SOX6: variants seen among roughly 807,000 people sequenced by gnomAD.
The protein encoded by SOX6 is SRY-box transcription factor 6.
A neutral mutation model predicts 97.8 loss-of-function variants in SOX6; 11 were observed. That is an observed-to-expected ratio of 0.11 (90% confidence interval 0.07 to 0.19). The LOEUF (loss-of-function observed/expected upper bound fraction) is 0.19, where lower values mean the gene tolerates loss of function less well. SOX6 is among the 10% of genes least tolerant of loss of function. The pLI is 1.00. For synonymous variants in SOX6, 360 were observed against 371.4 expected, an observed-to-expected ratio of 0.97 and a Z score of 0.35; for missense variants, 810 against 1,039.5, an observed-to-expected ratio of 0.78 and a Z score of 3.04.
At chr11:16,443,365 G>A (rs1859546278) in intron 1 of SOX6, among the ~76,000 whole-genome samples, 1 of 151,916 alleles carries the variant, frequency 6.6e-6, no homozygotes, top group African/African-American at 2.4e-5. Flanking sequence ...AACATTTCAG[G>A]CTCTCCATAA....
At chr11:16,194,744 T>C (rs1274575478) in intron 4 of SOX6, among the ~76,000 whole-genome samples, 2 of 152,324 alleles carry the variant, frequency 1.3e-5, no homozygotes, top group Non-Finnish European at 2.9e-5. Flanking sequence ...TGAGGTCTAT[T>C]CATGTCGCAA....
intron 3 of SOX6, among the ~76,000 whole-genome samples, chr11:16,307,923 T>C (rs1265295224): frequency 6.6e-6 from 1 of 152,232 alleles, no homozygotes; most frequent in Non-Finnish European, 1.5e-5. Context: ...CTCCCAATGC[T>C]AGCGGATGGC....
chr11:16,722,215 A>G (rs2134054648), intron 2 of SOX6, among the ~76,000 whole-genome samples: 1 of 152,342 alleles, frequency 6.6e-6, no homozygotes, highest in East Asian at 1.9e-4. Flanking sequence ...AAAAAACTAT[A>G]TCAATAGAAT....
intron 1 of SOX6, among the ~76,000 whole-genome samples, chr11:16,373,403 T>C (rs1035611526): frequency 3.9e-5 from 6 of 152,102 alleles, no homozygotes; most frequent in Admixed American, 3.3e-4. Flanking sequence ...ACCTCACTCT[T>C]CCTTTCACAC....
chr11:16,658,625 G>A (rs538070966), intron 3 of SOX6, among the ~76,000 whole-genome samples: 6 of 151,746 alleles, frequency 4.0e-5, no homozygotes, highest in Non-Finnish European at 7.4e-5. Flanking sequence ...AGAGAATGGC[G>A]TGAACCCGGG....
intron 2 of SOX6, among the ~76,000 whole-genome samples, chr11:16,721,502 CT>C (rs1848261622): frequency 1.3e-4 from 1 of 7,738 alleles, no homozygotes; most frequent in Non-Finnish European, 2.6e-4. Context: ...TCTTTTCTGT[CT>C]CTCTCTCTCT....
chr11:16,671,213 A>C (rs1847845536), intron 3 of SOX6, among the ~76,000 whole-genome samples: 1 of 152,256 alleles, frequency 6.6e-6, no homozygotes, highest in Non-Finnish European at 1.5e-5. Context: ...CAAGACAATA[A>C]TTCTGGTAAC....
intron 1 of SOX6, among the ~76,000 whole-genome samples, chr11:16,441,747 T>C (rs1431015461): frequency 6.6e-6 from 1 of 152,098 alleles, no homozygotes; most frequent in Non-Finnish European, 1.5e-5. Context: ...CTTACATAAC[T>C]TTTTCCTCCT....
chr11:16,573,534 G>A (rs560236651), intron 4 of SOX6, among the ~76,000 whole-genome samples: 2 of 152,086 alleles, frequency 1.3e-5, no homozygotes, highest in African/African-American at 4.8e-5. Flanking sequence ...TATTTGAGTT[G>A]GAAATTACTA....
chr11:16,614,840 T>G (rs1233489661), intron 3 of SOX6, among the ~76,000 whole-genome samples: 1 of 152,210 alleles, frequency 6.6e-6, no homozygotes, highest in Non-Finnish European at 1.5e-5. Flanking sequence ...TTCTATTTAT[T>G]TCAAGAAAAT....
intron 12 of SOX6, among the ~76,000 whole-genome samples, chr11:16,028,450 A>C (rs775735353): frequency 6.6e-6 from 1 of 152,194 alleles, no homozygotes; most frequent in Non-Finnish European, 1.5e-5. Flanking sequence ...TTTTGCACCC[A>C]GTTCCATGTT....
chr11:16,390,835 T>C (rs1384698733), intron 1 of SOX6, among the ~76,000 whole-genome samples: 1 of 152,148 alleles, frequency 6.6e-6, no homozygotes, highest in Non-Finnish European at 1.5e-5. Flanking sequence ...AGCAATCCCA[T>C]TACTGGGCAT....
chr11:16,114,773 T>G (rs1347401728), intron 6 of SOX6, among the ~76,000 whole-genome samples: 1 of 152,152 alleles, frequency 6.6e-6, no homozygotes, highest in Non-Finnish European at 1.5e-5. Context: ...TTTGGGGCTC[T>G]TTGGTGTTAT....
chr11:16,571,262 G>A (rs1291455509), intron 4 of SOX6, among the ~76,000 whole-genome samples: 1 of 152,184 alleles, frequency 6.6e-6, no homozygotes, highest in African/African-American at 2.4e-5. Context: ...CAAGTGGCAA[G>A]AGGAATACAG....
chr11:16,698,977 T>G (rs1174007079), intron 3 of SOX6, among the ~76,000 whole-genome samples: 2 of 152,206 alleles, frequency 1.3e-5, no homozygotes, highest in Non-Finnish European at 2.9e-5. Flanking sequence ...CACACAGATA[T>G]GAAGTGAGCA....
At chr11:16,504,681 C>A (rs748343792) in intron 4 of SOX6, among the ~76,000 whole-genome samples, 1 of 152,084 alleles carries the variant, frequency 6.6e-6, no homozygotes, top group Non-Finnish European at 1.5e-5. Context: ...CCCTGCCCCC[C>A]GCCCAAAATC....
At chr11:16,671,479 C>T (rs1008112154) in intron 3 of SOX6, among the ~76,000 whole-genome samples, 19 of 152,098 alleles carry the variant, frequency 1.2e-4, no homozygotes, top group African/African-American at 4.6e-4. Flanking sequence ...CTGAAAAACA[C>T]AATACAATTA....
intron 9 of SOX6, among the ~76,000 whole-genome samples, chr11:16,062,858 C>T (rs896765420): frequency 1.8e-4 from 28 of 151,664 alleles, no homozygotes; most frequent in Non-Finnish European, 3.0e-4. Flanking sequence ...ACACATAGAA[C>T]TGAAAGGACA....
At chr11:15,993,495 G>A (rs1196423262) in intron 13 of SOX6, among the ~76,000 whole-genome samples, 6 of 152,116 alleles carry the variant, frequency 3.9e-5, no homozygotes, top group Admixed American at 2.6e-4. Flanking sequence ...ACCTGGAGAC[G>A]GCTTTCCAGC....
Sources: allele counts gnomAD v4.1 joint callset (sites outside exome capture counted in the v4.1 genomes callset), GRCh38; gene constraint gnomAD v4.1.1; transcripts MANE v1.5; gene names NCBI Gene and HGNC (gene_info 2026-07-23, HGNC 2026-07-21).